GUCY1B1: variants seen among roughly 807,000 people sequenced by gnomAD.
GUCY1B1 encodes the protein guanylate cyclase 1 soluble subunit beta 1.
A neutral mutation model predicts 71.0 loss-of-function variants in GUCY1B1; 43 were observed. The ratio of observed to expected loss-of-function variants is 0.61; its 90% confidence interval spans 0.47 to 0.78. The LOEUF is 0.78. Ranked by LOEUF, GUCY1B1 falls within the 30% of genes least tolerant of loss-of-function variation. The pLI is 0.00. For synonymous variants in GUCY1B1, 266 were observed against 259.7 expected (o/e 1.02, Z -0.23); for missense variants, 535 against 754.1 (o/e 0.71, Z 3.40).
intron 13 of GUCY1B1, 50 bp downstream of exon 13, chr4:155,805,279 T>C (rs1428261029): frequency 2.7e-6 from 4 of 1,465,994 alleles, no homozygotes; most frequent in East Asian, 2.3e-5. Context: ...AGTATAAGTA[T>C]GGAAAACTAA....
Position 155,803,782 on chromosome 4 carries a change from A to G in GUCY1B1, c.1554+18A>G. The G allele has an allele frequency of 6.6e-7, 1 of 1,512,318 alleles. No homozygotes were observed. Among genetic ancestry groups the G allele is most frequent in the African/African-American group, 1.4e-5 (1 of 71,852 alleles). 93.7% of individuals were successfully genotyped at this position (1,512,318 alleles called of 1,614,324 possible). On this transcript the variant is annotated intron_variant, in intron 11 of 13. Coordinates refer to ENST00000264424, the MANE Select transcript of GUCY1B1 (RefSeq NM_000857.5). ...CTGTTCAGGTTAGTAAATGAAGTAG[A>G]TATTGTAATAATGGTATGTAAACCT...
intron 2 of GUCY1B1, among the ~76,000 whole-genome samples, chr4:155,763,734 T>G (rs1045101519): frequency 6.6e-6 from 1 of 152,196 alleles, no homozygotes; most frequent in Non-Finnish European, 1.5e-5. Context: ...GGAAACACTT[T>G]GCTATAAACT....
intron 2 of GUCY1B1, among the ~76,000 whole-genome samples, chr4:155,760,803 G>A (rs183459583): frequency 6.6e-6 from 1 of 152,244 alleles, no homozygotes; most frequent in East Asian, 1.9e-4. Context: ...TTCCTGGGTG[G>A]GCAGATGGGA....
chr4:155,801,354 A>G (rs936865512), intron 9 of GUCY1B1, among the ~76,000 whole-genome samples: 6 of 152,188 alleles, frequency 3.9e-5, no homozygotes, highest in African/African-American at 1.4e-4. Flanking sequence ...TGGTTTTTGT[A>G]GATATTTGGG....
Position 155,781,361 on chromosome 4 carries a change from A to G in GUCY1B1, c.297+3719A>G, listed in dbSNP as rs974141101. Among the ~76,000 whole-genome samples, 6 of 152,190 alleles carry G rather than the reference A, an allele frequency of 3.9e-5. No homozygotes were observed. The South Asian group carries it at 1.2e-3, about 32-fold the overall frequency. Reference sequence around the variant, plus strand: ...ATATTTGTTTTCTCACATGGAGGTTATCATTTCCATTCACAGTTGACTTAA... The same window carrying G: ...ATATTTGTTTTCTCACATGGAGGTTGTCATTTCCATTCACAGTTGACTTAA... On this transcript the variant is annotated intron_variant, in intron 4 of 13. Coordinates refer to ENST00000264424, the MANE Select transcript of GUCY1B1 (RefSeq NM_000857.5).
chr4:155,789,095 G>C (rs1037133773), intron 4 of GUCY1B1, among the ~76,000 whole-genome samples: 2 of 152,148 alleles, frequency 1.3e-5, no homozygotes, highest in Non-Finnish European at 2.9e-5. Context: ...TCAAAATGTA[G>C]TTATTTCACA....
intron 4 of GUCY1B1, among the ~76,000 whole-genome samples, chr4:155,783,710 G>A (rs925570745): frequency 5.9e-5 from 9 of 152,092 alleles, no homozygotes; most frequent in Non-Finnish European, 1.2e-4. Context: ...ATTCTTAAAT[G>A]TTTGTGCAAA....
intron 4 of GUCY1B1, among the ~76,000 whole-genome samples, chr4:155,784,866 A>G (rs1396558136): frequency 1.3e-5 from 2 of 152,196 alleles, no homozygotes; most frequent in African/African-American, 4.8e-5. Flanking sequence ...TTTGGCATGC[A>G]TATTACAAAA....
At chr4:155,786,034 G>T (rs994446098) in intron 4 of GUCY1B1, among the ~76,000 whole-genome samples, 1 of 152,026 alleles carries the variant, frequency 6.6e-6, no homozygotes, top group South Asian at 2.1e-4. Context: ...TTGGATGATT[G>T]TGTCCACTCT....
At chr4:155,778,413 A>G (rs963614578) in intron 4 of GUCY1B1, among the ~76,000 whole-genome samples, 11 of 152,322 alleles carry the variant, frequency 7.2e-5, no homozygotes, top group African/African-American at 2.6e-4. Context: ...TTTGCAAAGG[A>G]TATTTCTAAA....
chr4:155,804,351 G>T (rs538083221), intron 11 of GUCY1B1, among the ~76,000 whole-genome samples: 1 of 151,960 alleles, frequency 6.6e-6, no homozygotes, highest in African/African-American at 2.4e-5. Context: ...ATCACACACC[G>T]GGACCTGTTG....
In GUCY1B1 at chr4:155,804,591, A is replaced by G. The variant is rs755758483; in HGVS notation, c.1555-2A>G. The G allele has an allele frequency of 6.3e-7, 1 of 1,596,180 alleles. No homozygotes were observed. The highest frequency in any genetic ancestry group is 8.5e-7 in the Non-Finnish European group (1 of 1,173,036). ...ATTGAAGCAAAGCTTTCTTTTTTGC[A>G]GATAACAATAGGGATACACACTGGA... On this transcript the variant is annotated splice_acceptor_variant, in intron 11 of 13. Coordinates refer to ENST00000264424, the MANE Select transcript of GUCY1B1 (RefSeq NM_000857.5). LOFTEE classifies it high-confidence loss of function.
chr4:155,785,277 A>G (rs1334141738), intron 4 of GUCY1B1: 1 of 1,439,970 alleles, frequency 6.9e-7, no homozygotes. Context: ...AATGAATCAA[A>G]GCATATTTCA....
In GUCY1B1 at chr4:155,802,863, G is replaced by A. The variant is rs1257896296; in HGVS notation, c.1413+284G>A. 1.3e-5 allele frequency among the ~76,000 whole-genome samples: 2 copies of A among 152,120 alleles called. No individual in the cohort carries two copies. The highest frequency in any genetic ancestry group is 2.9e-5 in the Non-Finnish European group (2 of 68,030). Reference sequence around the variant, plus strand: ...CACTTAGGCTAACAAATCTGGACAGGCTGTTTATCACATGTAGTATAAACA... The same window carrying A: ...CACTTAGGCTAACAAATCTGGACAGACTGTTTATCACATGTAGTATAAACA... On this transcript the variant is annotated intron_variant, in intron 10 of 13. Coordinates refer to ENST00000264424, the MANE Select transcript of GUCY1B1 (RefSeq NM_000857.5). The surrounding 1 kb of genome is among the most constrained non-coding windows in gnomAD (Gnocchi z 4.3).
intron 3 of GUCY1B1, among the ~76,000 whole-genome samples, chr4:155,775,585 C>T (rs1005718577): frequency 3.3e-5 from 5 of 152,120 alleles, no homozygotes; most frequent in Non-Finnish European, 5.9e-5. Context: ...TGAGCCTCCA[C>T]GCCAGGCCCA....
At chr4:155,792,898 C>T (rs562574919) in intron 5 of GUCY1B1, among the ~76,000 whole-genome samples, 9 of 152,154 alleles carry the variant, frequency 5.9e-5, no homozygotes, top group Non-Finnish European at 1.2e-4. Flanking sequence ...CTCACAATTA[C>T]GATTACTTCT....
At position 155,759,393 on chromosome 4, in the gene GUCY1B1, G is replaced by C. The variant is rs1736793041; in HGVS notation, c.3+250G>C. 8 of 544,968 alleles carry C rather than the reference G, an allele frequency of 1.5e-5. No homozygotes were observed. In the South Asian group the frequency reaches 1.7e-4, roughly 11 times the overall value. 33.8% of individuals were successfully genotyped at this position (544,968 alleles called of 1,614,324 possible). A position where few individuals can be genotyped will look rare whatever the true frequency, so the allele number is the denominator to read the frequency against. The stretch of plus-strand genomic sequence containing the variant: ...CTCCACACCGCAGCTTCCTGAGCTC[G>C]GGAAGGGGAGGTGCGGCGGAGGCGT... On this transcript the variant is annotated intron_variant, in intron 1 of 13. Coordinates refer to ENST00000264424, the MANE Select transcript of GUCY1B1 (RefSeq NM_000857.5).
At chr4:155,760,590 TG>T (rs2110950910) in intron 2 of GUCY1B1, among the ~76,000 whole-genome samples, 1 of 152,262 alleles carries the variant, frequency 6.6e-6, no homozygotes, top group African/African-American at 2.4e-5. Context: ...GAATGACTGA[TG>T]GGTCAGCATG....
Position 155,786,768 on chromosome 4 carries a change from T to C in GUCY1B1, c.298-2946T>C, listed in dbSNP as rs200506418. On this transcript the variant is annotated intron_variant, in intron 4 of 13. Transcript: ENST00000264424. ...GATTACAGGTGTGAGGCACCGCGCC[T>C]GGCCAATTTTTGTATTTTCAGTAGA... Among the ~76,000 whole-genome samples, 34 of 151,838 alleles carry C rather than the reference T, an allele frequency of 2.2e-4. No individual in the cohort carries two copies. The East Asian group carries it at 2.9e-3, about 13-fold the overall frequency.
Sources: gnomAD v4.1 joint callset for allele counts (sites outside exome capture counted in the v4.1 genomes callset) on GRCh38, gnomAD v4.1.1 for gene constraint, Gnocchi (gnomAD v3.1) non-coding constraint, MANE v1.5 for transcripts, NCBI Gene and HGNC (gene_info 2026-07-23, HGNC 2026-07-21) for gene names.